SLC1A5: variants seen among roughly 807,000 people sequenced by gnomAD.
SLC1A5 encodes solute carrier family 1 member 5.
A neutral mutation model predicts 34.9 loss-of-function variants in SLC1A5; 25 were observed. That is an observed-to-expected ratio of 0.72 (90% CI 0.52 to 1.00). SLC1A5 has a LOEUF of 1.00. Ranked by LOEUF, SLC1A5 falls within the 50% of genes least tolerant of loss-of-function variation. The pLI is 0.00. For synonymous variants in SLC1A5, 351 were observed against 341.2 expected (o/e 1.03, Z -0.32); for missense variants, 637 against 740.0 (o/e 0.86, Z 1.61).
rs2055199881 is a variant in SLC1A5 at position 46,788,078 on chromosome 19, G to C, written c.-113C>G. 2.1e-6 allele frequency: 2 copies of C among 940,678 alleles called. No homozygotes were observed. Among genetic ancestry groups the C allele is most frequent in the South Asian group, 1.8e-5 (1 of 56,308 alleles). 58.3% of individuals were successfully genotyped at this position (940,678 alleles called of 1,614,324 possible). On this transcript the variant is annotated 5_prime_UTR_variant, in exon 1 of 8. Transcript: ENST00000542575. ...GTTGAGTAACAGCACCTGGAGACTG[G>C]AACTTTGGAGGGCTCCTTAGAGTTG...
chr19:46,777,186 C>T, intron 6 of SLC1A5, 25 bp downstream of exon 6: 2 of 1,600,356 alleles, frequency 1.2e-6, no homozygotes, highest in Non-Finnish European at 1.7e-6. Flanking sequence ...TCCGGGGGTC[C>T]CATCCGCAGC....
intron 3 of SLC1A5, among the ~76,000 whole-genome samples, chr19:46,783,282 G>A (rs2055161190): frequency 1.3e-5 from 2 of 152,166 alleles, no homozygotes; most frequent in South Asian, 2.1e-4. Context: ...TGACCAACAT[G>A]GAGAAACCCC....
In SLC1A5 at chr19:46,787,372, C is replaced by T; in HGVS notation, c.566+28G>A. On this transcript the variant is annotated intron_variant, in intron 1 of 7. Coordinates refer to ENST00000542575, the MANE Select transcript of SLC1A5 (RefSeq NM_005628.3). The surrounding 1 kb of genome is among the most constrained non-coding windows in gnomAD (Gnocchi z 5.2). ...ACTCCCGCCATCCGTAACACTCTTCCCCACCTCCCGGGGGAGCGGGAGCTG... is the reference window on the plus strand; with the variant it reads ...ACTCCCGCCATCCGTAACACTCTTCTCCACCTCCCGGGGGAGCGGGAGCTG... 1 of 1,568,802 alleles carries T rather than the reference C, an allele frequency of 6.4e-7. No individual in the cohort carries two copies. Among genetic ancestry groups the T allele is most frequent in the East Asian group, 2.4e-5 (1 of 42,340 alleles).
intron 4 of SLC1A5, 38 bp downstream of exon 4, chr19:46,782,345 A>ACCCCCCCCCCCCCCCCCCCCCCC: frequency 1.6e-4 from 48 of 292,408 alleles, no homozygotes; most frequent in Middle Eastern, 1.1e-3. Context: ...CCGACCCTCC[A>ACCCCCCCCCCCCCCCCCCCCCCC]ACCCCACCCA....
chr19:46,778,728 G>A lies in SLC1A5; in HGVS notation c.1005C>T (p.Arg335=). 1 of 1,609,216 alleles carries A rather than the reference G, an allele frequency of 6.2e-7. No homozygotes were observed. The change falls in exon 5 of 8, where the codon CGC becomes CGT. Residue 335 remains arginine (R), a synonymous_variant. Coordinates refer to ENST00000542575, the MANE Select transcript of SLC1A5 (RefSeq NM_005628.3). ...YFLFTRKNPY[R]FLWGIVTPLA... ...GCGGCGTCACGATGCCCCACAGGAA[G>A]CGGTAGGGGTTTTTGCGGGTGAAGA...
intron 4 of SLC1A5, 39 bp downstream of exon 4, chr19:46,782,344 C>CAACCCCCCCCACCCCCCCCCACCAA: frequency 1.6e-6 from 1 of 617,112 alleles, no homozygotes; most frequent in Non-Finnish European, 2.9e-6. Context: ...ACCGACCCTC[C>CAACCCCCCCCACCCCCCCCCACCAA]AACCCCACCC....
intron 1 of SLC1A5, 96 bp from the exon 2 acceptor site, chr19:46,784,655 A>C (rs1350952854): frequency 6.2e-7 from 1 of 1,610,704 alleles, no homozygotes. Context: ...AGCGAGTGGA[A>C]GCTTTGGGGG....
In SLC1A5 at chr19:46,778,875, A is replaced by G. The variant is rs761870762; in HGVS notation, c.858T>C (p.Ala286=). The change falls in exon 5 of 8, where the codon GCT becomes GCC. Residue 286 remains alanine (A), a synonymous_variant. Transcript: ENST00000542575. ...CATCCTCCATCTCCACGATCTTGCC[A>G]GCCACCAGGAACATGATGCCCACAG... The part of the protein sequence containing the change: ...YAPVGIMFLV[A]GKIVEMEDVG... 28 of 1,585,694 alleles carry G rather than the reference A, an allele frequency of 1.8e-5. No homozygotes were observed. The highest frequency in any genetic ancestry group is 2.1e-5 in the Non-Finnish European group (25 of 1,166,152).
chr19:46,777,461 C>T, intron 5 of SLC1A5, 56 bp from the exon 6 acceptor site: 1 of 1,502,378 alleles, frequency 6.7e-7, no homozygotes, highest in Non-Finnish European at 8.9e-7. Context: ...GCTCCGCCCA[C>T]CCTCCAGGTC....
rs1043231973 is a variant in SLC1A5 at position 46,788,574 on chromosome 19, C to T, written c.-609G>A. ...GCGGTTACCAGCCAGAGAAAGCCTC[C>T]CGGGCGTGCCGCGTGGCTCTGAGCC... is the stretch of plus-strand genomic sequence containing the variant. On this transcript the variant is annotated 5_prime_UTR_variant, in exon 1 of 8. Transcript: ENST00000542575. 1 of 152,430 alleles carries T rather than the reference C, an allele frequency of 6.6e-6. No individual in the cohort carries two copies. Among genetic ancestry groups the T allele is most frequent in the African/African-American group, 2.4e-5 (1 of 41,462 alleles). The allele number at this position is 152,430 out of a possible 1,614,324, so 9.4% of individuals were successfully genotyped here. A position where few individuals can be genotyped will look rare whatever the true frequency, so the allele number is the denominator to read the frequency against.
At position 46,777,136 on chromosome 19, in the gene SLC1A5, A is replaced by G; in HGVS notation, c.1254-27T>C. Reference sequence around the variant, plus strand: ...TGAGGGAGAAGGTGGGAGGTTAGGCAGATGCCTGTCTTGTGGGAGAAGATG... The same window carrying G: ...TGAGGGAGAAGGTGGGAGGTTAGGCGGATGCCTGTCTTGTGGGAGAAGATG... On this transcript the variant is annotated intron_variant, in intron 6 of 7. Coordinates refer to ENST00000542575, the MANE Select transcript of SLC1A5 (RefSeq NM_005628.3). 4.3e-6 allele frequency: 7 copies of G among 1,611,456 alleles called. 1 individual carries two copies. In the South Asian group the frequency reaches 7.7e-5, roughly 18 times the overall value.
intron 1 of SLC1A5, chr19:46,784,928 G>A: frequency 1.6e-6 from 2 of 1,219,678 alleles, no homozygotes; most frequent in Middle Eastern, 3.2e-4. Context: ...TCCTCCTGGA[G>A]GGCCTGCCAG....
chr19:46,784,974 TG>T, intron 1 of SLC1A5: 1 of 862,170 alleles, frequency 1.2e-6, no homozygotes, highest in Non-Finnish European at 1.5e-6. Flanking sequence ...CTGGGTGTGT[TG>T]GGAGGCGGTG....
At chr19:46,786,583 C>T (rs529446617) in intron 1 of SLC1A5, among the ~76,000 whole-genome samples, 2 of 152,336 alleles carry the variant, frequency 1.3e-5, no homozygotes, top group South Asian at 2.1e-4. Flanking sequence ...CATTTCCTTC[C>T]CCCAACTTCC....
intron 1 of SLC1A5, chr19:46,784,869 C>G (rs2055175942): frequency 7.3e-7 from 1 of 1,372,108 alleles, no homozygotes; most frequent in Non-Finnish European, 9.4e-7. Flanking sequence ...GGCCTCAGCT[C>G]CACCCCATGC....
At position 46,775,067 on chromosome 19, in the gene SLC1A5, A is replaced by AAACACACACACACACACGTG; in HGVS notation, c.*442_*443insCACGTGTGTGTGTGTGTGTT. ...GAGGTCACAGAACACACACACACACACACACACACACACACACACACACGT... is the reference window on the plus strand; with the variant it reads ...GAGGTCACAGAACACACACACACACAAACACACACACACACACGTGCACACACACACACACACACACACGT... On this transcript the variant is annotated 3_prime_UTR_variant, in exon 8 of 8. Transcript: ENST00000542575. The AAACACACACACACACACGTG allele has an allele frequency of 3.1e-6, 3 of 959,946 alleles. No individual in the cohort carries two copies. Among genetic ancestry groups the AAACACACACACACACACGTG allele is most frequent in the Non-Finnish European group, 3.7e-6 (3 of 804,080 alleles). The allele number at this position is 959,946 out of a possible 1,614,324, so 59.5% of individuals were successfully genotyped here.
intron 3 of SLC1A5, among the ~76,000 whole-genome samples, 179 bp from the exon 4 acceptor site, chr19:46,782,728 A>G (rs2055157112): frequency 6.6e-6 from 1 of 152,016 alleles, no homozygotes; most frequent in Non-Finnish European, 1.5e-5. Context: ...GATGGCCCAG[A>G]GTAGGTGGGG....
In SLC1A5 at chr19:46,788,005, C is replaced by T; in HGVS notation, c.-40G>A. The stretch of plus-strand genomic sequence containing the variant: ...GGGTTTCTTAGCGCCTGGAAGCTGG[C>T]TGGGAGCGCTTGGGCTCCTTCCCAG... On this transcript the variant is annotated 5_prime_UTR_variant, in exon 1 of 8. Coordinates refer to ENST00000542575, the MANE Select transcript of SLC1A5 (RefSeq NM_005628.3). 3 of 1,494,784 alleles carry T rather than the reference C, an allele frequency of 2.0e-6. No individual in the cohort carries two copies. Among genetic ancestry groups the T allele is most frequent in the Non-Finnish European group, 1.8e-6 (2 of 1,124,042 alleles). 92.6% of individuals were successfully genotyped at this position (1,494,784 alleles called of 1,614,324 possible). A position where few individuals can be genotyped will look rare whatever the true frequency, so the allele number is the denominator to read the frequency against.
rs766267000 is a variant in SLC1A5 at position 46,787,589 on chromosome 19, C to A, written c.377G>T (p.Arg126Leu). 1.4e-5 allele frequency: 22 copies of A among 1,561,600 alleles called. No individual in the cohort carries two copies. In the South Asian group the frequency reaches 2.2e-4, roughly 16 times the overall value. The change falls in exon 1 of 8, where the codon CGT (arginine) becomes CTT (leucine). Residue 126 changes from arginine to leucine, a missense_variant. Coordinates refer to ENST00000542575, the MANE Select transcript of SLC1A5 (RefSeq NM_005628.3). This position sits in a 1 kb window ranked among gnomAD's most constrained non-coding sequence, Gnocchi z 5.2. ...AAAGAGCAGCGCCCAGGCGCCCAGACGGCCGAGCGCGCCGGGGTCCAGGCT... is the reference window on the plus strand; with the variant it reads ...AAAGAGCAGCGCCCAGGCGCCCAGAAGGCCGAGCGCGCCGGGGTCCAGGCT... Reference protein sequence around the residue: ...AASLDPGALGRLGAWALLFFL... With the variant: ...AASLDPGALGLLGAWALLFFL...
Sources: gnomAD v4.1 joint callset for allele counts (sites outside exome capture counted in the v4.1 genomes callset) on GRCh38, gnomAD v4.1.1 for gene constraint, Gnocchi (gnomAD v3.1) non-coding constraint, MANE v1.5 for transcripts, NCBI Gene and HGNC (gene_info 2026-07-23, HGNC 2026-07-21) for gene names.